TMEM267: variants seen among roughly 807,000 people sequenced by gnomAD.
TMEM267 encodes transmembrane protein C5orf28.
In TMEM267, 20 loss-of-function variants were observed where a neutral mutation model predicts 19.3. The ratio of observed to expected loss-of-function variants is 1.04; its 90% CI spans 0.73 to 1.51. The LOEUF (loss-of-function observed/expected upper bound fraction) is 1.51. Among genes scored for constraint, TMEM267 ranks in the 40% most tolerant of loss-of-function variants. The probability of loss-of-function intolerance (pLI) is 0.00; values close to 1 mark genes in which losing one functional copy is unlikely to be tolerated. For missense variants in TMEM267, 242 were observed against 261.9 expected (o/e 0.92, Z 0.52); for synonymous variants, 88 against 90.3 (o/e 0.97, Z 0.15).
chr5:43,444,282 T>A lies in TMEM267; in HGVS notation c.*1940A>T, dbSNP rs573942517. 2.6e-5 allele frequency: 4 copies of A among 152,286 alleles called. No homozygotes were observed. Among genetic ancestry groups the A allele is most frequent in the South Asian group, 2.1e-4 (1 of 4,818 alleles). 9.4% of individuals were successfully genotyped at this position (152,286 alleles called of 1,614,324 possible). A position where few individuals can be genotyped will look rare whatever the true frequency, so the allele number is the denominator to read the frequency against. ...ATGTAGCATTCTTATTTATTTATTTTATGTTTATTTTTTAAGACAGTCTCC... is the reference window on the plus strand; with the variant it reads ...ATGTAGCATTCTTATTTATTTATTTAATGTTTATTTTTTAAGACAGTCTCC... On this transcript the variant is annotated 3_prime_UTR_variant, in exon 3 of 3. Transcript: ENST00000397080.
intron 1 of TMEM267, among the ~76,000 whole-genome samples, chr5:43,458,264 C>G (rs1338657686): frequency 6.6e-6 from 1 of 152,034 alleles, no homozygotes; most frequent in Non-Finnish European, 1.5e-5. Flanking sequence ...CCATGCCTGG[C>G]TAATTTTTAA....
chr5:43,472,948 A>G (rs372039570), intron 1 of TMEM267, among the ~76,000 whole-genome samples: 3 of 151,810 alleles, frequency 2.0e-5, no homozygotes, highest in Admixed American at 6.6e-5. Flanking sequence ...GACCAGCCTG[A>G]TCACCACAGT....
chr5:43,480,990 G>C (rs1744727697), intron 1 of TMEM267, among the ~76,000 whole-genome samples: 1 of 150,778 alleles, frequency 6.6e-6, no homozygotes, highest in Non-Finnish European at 1.5e-5. Flanking sequence ...ATTTTTACTA[G>C]AGACGGGGTT....
chr5:43,444,811 GAAA>G lies in TMEM267; in HGVS notation c.*1408_*1410del, dbSNP rs1040853405. The G allele has an allele frequency of 3.3e-5, 5 of 151,496 alleles. No homozygotes were observed. Among genetic ancestry groups the G allele is most frequent in the African/African-American group, 4.9e-5 (2 of 41,188 alleles). 9.4% of individuals were successfully genotyped at this position (151,496 alleles called of 1,614,324 possible). ...CCAAACTTATACAATAATTACTCTT[GAAA>G]AATAAGTAGACTGTAATATCTAATC... On this transcript the variant is annotated 3_prime_UTR_variant, in exon 3 of 3. Transcript: ENST00000397080.
intron 1 of TMEM267, among the ~76,000 whole-genome samples, chr5:43,464,252 T>C (rs9765024): frequency 0.56 from 82,020 of 145,636 alleles, 24,960 homozygotes; most frequent in African/African-American, 0.82. Flanking sequence ...TTACAAGGGA[T>C]GTGAAGGACC....
At chr5:43,483,662 C>T (rs542027635) in intron 1 of TMEM267, among the ~76,000 whole-genome samples, 160 bp downstream of exon 1, 1 of 152,318 alleles carries the variant, frequency 6.6e-6, no homozygotes, top group South Asian at 2.1e-4. Context: ...CTGGCTCCCG[C>T]GTGGCGGCTG....
Position 43,454,017 on chromosome 5 carries a change from T to C in TMEM267, c.-48A>G. 5 of 1,566,680 alleles carry C rather than the reference T, an allele frequency of 3.2e-6. No individual in the cohort carries two copies. Among genetic ancestry groups the C allele is most frequent in the Non-Finnish European group, 4.3e-6 (5 of 1,157,264 alleles). On this transcript the variant is annotated 5_prime_UTR_variant, in exon 2 of 3. Transcript: ENST00000397080. ...ACTAAAAGCCATCAGGAATGAACAG[T>C]CTATTCTTGTTTACATTTCCAGCAC...
intron 1 of TMEM267, among the ~76,000 whole-genome samples, chr5:43,458,532 A>C (rs1318294509): frequency 6.6e-6 from 1 of 152,224 alleles, no homozygotes; most frequent in Non-Finnish European, 1.5e-5. Flanking sequence ...AGGAATGATT[A>C]AAAAGGAGAA....
At chr5:43,483,268 T>C (rs1744904353) in intron 1 of TMEM267, among the ~76,000 whole-genome samples, 1 of 152,230 alleles carries the variant, frequency 6.6e-6, no homozygotes, top group Non-Finnish European at 1.5e-5. Context: ...AAATTCTGTA[T>C]TTCAACATGT....
chr5:43,483,420 G>C (rs1744917775), intron 1 of TMEM267, among the ~76,000 whole-genome samples: 1 of 152,192 alleles, frequency 6.6e-6, no homozygotes, highest in Non-Finnish European at 1.5e-5. Context: ...AAAGGCTCCG[G>C]GGCACGAAAG....
chr5:43,453,041 C>T (rs902752598), intron 2 of TMEM267, among the ~76,000 whole-genome samples: 2 of 152,158 alleles, frequency 1.3e-5, no homozygotes, highest in Non-Finnish European at 2.9e-5. Flanking sequence ...CATTTGTGAA[C>T]TATATAACTG....
At chr5:43,476,816 G>C (rs1390125308) in intron 1 of TMEM267, among the ~76,000 whole-genome samples, 3 of 151,474 alleles carry the variant, frequency 2.0e-5, no homozygotes, top group South Asian at 2.1e-4. Context: ...TGTAATATTT[G>C]ACCCAGATCT....
chr5:43,452,567 C>T (rs1742667952), intron 2 of TMEM267, among the ~76,000 whole-genome samples: 1 of 141,180 alleles, frequency 7.1e-6, no homozygotes. Flanking sequence ...TACAACTGTG[C>T]TTGTGGCCCT....
At chr5:43,451,898 G>T (rs1046261548) in intron 2 of TMEM267, among the ~76,000 whole-genome samples, 3 of 151,746 alleles carry the variant, frequency 2.0e-5, no homozygotes, top group African/African-American at 4.8e-5. Flanking sequence ...AACATAGGGA[G>T]ACCCTGCCTC....
chr5:43,463,399 A>C (rs577858604), intron 1 of TMEM267, among the ~76,000 whole-genome samples: 1 of 152,220 alleles, frequency 6.6e-6, no homozygotes, highest in African/African-American at 2.4e-5. Flanking sequence ...AAACTATTCC[A>C]ATCAATAGAA....
chr5:43,461,308 T>C (rs1743244298), intron 1 of TMEM267, among the ~76,000 whole-genome samples: 1 of 152,182 alleles, frequency 6.6e-6, no homozygotes, highest in Non-Finnish European at 1.5e-5. Flanking sequence ...TCAAGGGCCT[T>C]GCGTGAGCCT....
At position 43,445,073 on chromosome 5, in the gene TMEM267, G is replaced by A. The variant is rs1459143263; in HGVS notation, c.*1149C>T. On this transcript the variant is annotated 3_prime_UTR_variant, in exon 3 of 3. Coordinates refer to ENST00000397080, the MANE Select transcript of TMEM267 (RefSeq NM_022483.5). ...GTAAGAAAATCTGAAGACAGCAGAT[G>A]CCATATATGCCACAAAGAAAAGCAG... The A allele has an allele frequency of 6.6e-6, 1 of 152,160 alleles. No homozygotes were observed. Among genetic ancestry groups the A allele is most frequent in the South Asian group, 2.1e-4 (1 of 4,830 alleles). 9.4% of individuals were successfully genotyped at this position (152,160 alleles called of 1,614,324 possible).
intron 2 of TMEM267, among the ~76,000 whole-genome samples, chr5:43,451,327 C>A (rs959026087): frequency 6.6e-6 from 1 of 152,104 alleles, no homozygotes; most frequent in Non-Finnish European, 1.5e-5. Context: ...AGACAACCTA[C>A]AGGATGGGAG....
At chr5:43,479,520 T>C (rs1017491253) in intron 1 of TMEM267, among the ~76,000 whole-genome samples, 1 of 151,890 alleles carries the variant, frequency 6.6e-6, no homozygotes, top group African/African-American at 2.4e-5. Context: ...TATAACATTA[T>C]AAATATATAT....
Sources: allele counts gnomAD v4.1 joint callset (sites outside exome capture counted in the v4.1 genomes callset), GRCh38; gene constraint gnomAD v4.1.1; transcripts MANE v1.5; gene names NCBI Gene and HGNC (gene_info 2026-07-23, HGNC 2026-07-21).